Variants in FAM217B observed in about 807,000 individuals in gnomAD.
The protein encoded by FAM217B is protein FAM217B.
For synonymous variants in FAM217B, 163 were observed against 173.0 expected (o/e 0.94, Z 0.45); for missense variants, 463 against 456.9 (o/e 1.01, Z -0.12).
intron 3 of FAM217B, among the ~76,000 whole-genome samples, chr20:59,942,997 T>C (rs117938365): frequency 1.3e-5 from 2 of 152,358 alleles, no homozygotes; most frequent in East Asian, 3.9e-4. Context: ...TTAGGTTGTT[T>C]GAAACCACTG....
rs775116165 is a variant in FAM217B at position 59,946,203 on chromosome 20, C to G, written c.*1108C>G. On this transcript the variant is annotated 3_prime_UTR_variant, in exon 4 of 4. Transcript: ENST00000360816. ...TATCTGGTCTTCAGGCTTCCCAACT[C>G]TCTCCAAGCCTTCTTATTTCACTGC... The G allele has an allele frequency of 3.6e-5, 6 of 167,086 alleles. No homozygotes were observed. The highest frequency in any genetic ancestry group is 5.9e-5 in the Non-Finnish European group (4 of 68,124). The allele number at this position is 167,086 out of a possible 1,614,324, so 10.4% of individuals were successfully genotyped here.
chr20:59,944,056 C>T lies in FAM217B; in HGVS notation c.113C>T (p.Thr38Ile), dbSNP rs374886147. Residue 38 changes from threonine to isoleucine, a missense_variant, in exon 4 of 4, where the codon ACA becomes ATA. By Grantham distance (89) the Thr-to-Ile change is moderately conservative. Transcript: ENST00000360816. ...HASSQPRSSL[T>I]AVTQPTEEKL... is the part of the protein sequence containing the mutation. ...TCTTCCCAGCCGAGAAGCAGCCTCACAGCTGTCACCCAGCCTACTGAAGAA... is the reference window on the plus strand; with the variant it reads ...TCTTCCCAGCCGAGAAGCAGCCTCATAGCTGTCACCCAGCCTACTGAAGAA... The T allele has an allele frequency of 9.3e-6, 15 of 1,614,162 alleles. No homozygotes were observed. The highest frequency in any genetic ancestry group is 1.3e-5 in the Non-Finnish European group (15 of 1,180,022).
At chr20:59,934,553 TC>T (rs1217430246) in intron 1 of FAM217B, among the ~76,000 whole-genome samples, 2 of 152,214 alleles carry the variant, frequency 1.3e-5, no homozygotes, top group African/African-American at 4.8e-5. Context: ...ATTAACTTCA[TC>T]CGAGGAATTC....
chr20:59,936,904 G>T (rs564363978), upstream of FAM217B: 6 of 152,552 alleles, frequency 3.9e-5, no homozygotes, highest in African/African-American at 1.4e-4. Context: ...AATATGTTTG[G>T]GGGGACAACC....
At chr20:59,939,012 G>C (rs1223651546), upstream of FAM217B, 58 of 1,492,602 alleles carry the variant, frequency 3.9e-5, no homozygotes, top group Non-Finnish European at 4.9e-5. Context: ...GAGGCTCCAG[G>C]TGGCCGGTCC....
chr20:59,939,777 G>T, upstream of FAM217B: 2 of 1,223,824 alleles, frequency 1.6e-6, no homozygotes, highest in South Asian at 4.1e-5. Context: ...TGGCGTTGGC[G>T]GCGGCGCGCG....
rs550769582 is a variant in FAM217B at position 59,945,440 on chromosome 20, T to C, written c.*345T>C. 31 of 207,398 alleles carry C rather than the reference T, an allele frequency of 1.5e-4. No individual in the cohort carries two copies. The highest frequency in any genetic ancestry group is 6.9e-4 in the African/African-American group (29 of 42,250). The allele number at this position is 207,398 out of a possible 1,614,324, so 12.8% of individuals were successfully genotyped here. On this transcript the variant is annotated 3_prime_UTR_variant, in exon 4 of 4. Coordinates refer to ENST00000360816, the MANE Select transcript of FAM217B (RefSeq NM_022106.3). ...CCGGTCTGTGTAGAGCAGCTAGTGG[T>C]GTTACCTCCCCATTTTCACATGCAC...
chr20:59,938,827 T>C, upstream of FAM217B: 1 of 365,488 alleles, frequency 2.7e-6, no homozygotes, highest in Non-Finnish European at 4.7e-6. Context: ...TCTGGCCACC[T>C]GAGGCTACTT....
chr20:59,943,110 A>T (rs1338489918), intron 3 of FAM217B, among the ~76,000 whole-genome samples: 1 of 152,204 alleles, frequency 6.6e-6, no homozygotes, highest in Non-Finnish European at 1.5e-5. Context: ...CTTAAATGCC[A>T]CGTTCTTGGT....
rs1001238542 is a variant in FAM217B, at chr20:59,947,967, G to T, written c.*2872G>T. ...ATGGGTTATTGTATTTCCGAGAAGT[G>T]CCTCTCATTTCTGGGGAGTTGTTTA... On this transcript the variant is annotated 3_prime_UTR_variant, in exon 4 of 4. Transcript: ENST00000360816. 1 of 164,850 alleles carries T rather than the reference G, an allele frequency of 6.1e-6. No homozygotes were observed. 10.2% of individuals were successfully genotyped at this position (164,850 alleles called of 1,614,324 possible).
intron 2 of FAM217B, 29 bp from the exon 3 acceptor site, chr20:59,942,398 A>G (rs2060910658): frequency 6.6e-6 from 1 of 152,194 alleles, no homozygotes; most frequent in South Asian, 2.1e-4. Context: ...ACATGTTCAC[A>G]GTGTTTATTA....
rs773440774 is a variant in FAM217B, at chr20:59,945,095, A to C, written c.1152A>C (p.Ter384TyrextTer16). 2.6e-6 allele frequency: 4 copies of C among 1,565,562 alleles called. No homozygotes were observed. In the African/African-American group the frequency reaches 5.5e-5, roughly 22 times the overall value. Residue 384 changes from the stop codon to tyrosine (Y), a stop_lost, in exon 4 of 4, where the codon TAA becomes TAC. Transcript: ENST00000360816. The part of the protein sequence containing the change: ...GVKQNTYKLK[*>Y] ...AGCAAAACACATATAAACTAAAATA[A>C]ATATCTAAAATGCTGAATTGCCAAG...
At chr20:59,936,075 GTATA>G (rs1363335906), upstream of FAM217B, among the ~76,000 whole-genome samples, 1 of 152,132 alleles carries the variant, frequency 6.6e-6, no homozygotes, top group Non-Finnish European at 1.5e-5. Context: ...CACACCTCAG[GTATA>G]TATAGTACAG....
At chr20:59,941,536 C>T (rs2060905014) in intron 1 of FAM217B, among the ~76,000 whole-genome samples, 1 of 152,150 alleles carries the variant, frequency 6.6e-6, no homozygotes, top group African/African-American at 2.4e-5. Flanking sequence ...AATTTCCATT[C>T]AGTGCACTTT....
chr20:59,939,844 GGT>G, upstream of FAM217B: 10 of 1,243,158 alleles, frequency 8.0e-6, no homozygotes, highest in Non-Finnish European at 1.0e-5. Flanking sequence ...CCGCCGTCCA[GGT>G]CCGACAGGCA....
upstream of FAM217B, chr20:59,939,830 C>G (rs2145947297): frequency 1.6e-6 from 2 of 1,238,012 alleles, no homozygotes; most frequent in African/African-American, 3.1e-5. Context: ...GCTCCAGGGC[C>G]ACGCCGCCGT....
chr20:59,940,019 A>G (rs2060890586), upstream of FAM217B: 1 of 1,130,162 alleles, frequency 8.8e-7, no homozygotes. Flanking sequence ...GAAGCCGCAG[A>G]GAGTCCACCG....
chr20:59,934,125 C>T (rs999412683), intron 1 of FAM217B, among the ~76,000 whole-genome samples: 3 of 152,126 alleles, frequency 2.0e-5, no homozygotes, highest in Non-Finnish European at 2.9e-5. Flanking sequence ...ACCGGGGGAC[C>T]AGGGCGCCGG....
rs751130063 is a variant in FAM217B at position 59,944,662 on chromosome 20, GGGCT to G, written c.720_723del (p.Ala241GlnfsTer47). ...TCCAAGCCACTACCTCACCAGGAAG[GGGCT>G]TCAAAGTCAGGCCCTTCCCGAAAGA... On this transcript the variant is annotated frameshift_variant, in exon 4 of 4. Coordinates refer to ENST00000360816, the MANE Select transcript of FAM217B (RefSeq NM_022106.3). LOFTEE classifies it low-confidence loss of function (END_TRUNC). 1 of 1,614,046 alleles carries G rather than the reference GGGCT, an allele frequency of 6.2e-7. No homozygotes were observed. The highest frequency in any genetic ancestry group is 8.5e-7 in the Non-Finnish European group (1 of 1,180,014).
Sources: gnomAD v4.1 joint callset for allele counts (sites outside exome capture counted in the v4.1 genomes callset) on GRCh38, gnomAD v4.1.1 for gene constraint, MANE v1.5 for transcripts, NCBI Gene and HGNC (gene_info 2026-07-23, HGNC 2026-07-21) for gene names.